The following SRRM1 variants were observed in gnomAD, a reference collection of about 807,000 sequenced individuals.
SRRM1 encodes the protein serine and arginine repetitive matrix 1, also known as serine/arginine repetitive matrix protein 1.
Under a neutral mutation model 110.2 loss-of-function variants are expected in SRRM1, and 19 were observed. That is an observed-to-expected ratio of 0.17 (90% CI 0.12 to 0.25). SRRM1 has a LOEUF of 0.25. SRRM1 is among the 10% of genes least tolerant of loss of function. The pLI is 1.00. For missense variants in SRRM1, 918 were observed against 1,145.8 expected, an observed-to-expected ratio of 0.80 and a Z score of 2.87; for synonymous variants, 443 against 414.9, an observed-to-expected ratio of 1.07 and a Z score of -0.82.
At chr1:24,667,201 A>C (rs530795459) in intron 13 of SRRM1, among the ~76,000 whole-genome samples, 1 of 152,354 alleles carries the variant, frequency 6.6e-6, no homozygotes, top group Non-Finnish European at 1.5e-5. Flanking sequence ...GAATACACAA[A>C]TCTATAGAGA....
At chr1:24,656,105 A>G (rs1557691510) in intron 9 of SRRM1, among the ~76,000 whole-genome samples, 1 of 152,216 alleles carries the variant, frequency 6.6e-6, no homozygotes, top group Non-Finnish European at 1.5e-5. Context: ...ATTTCAGGTT[A>G]GAAACAAAGA....
chr1:24,661,065 G>C (rs1666994638), intron 10 of SRRM1: 2 of 528,868 alleles, frequency 3.8e-6, no homozygotes, highest in Non-Finnish European at 6.8e-6. Context: ...AACTGTATCT[G>C]CTTGTAAAAT....
intron 1 of SRRM1, among the ~76,000 whole-genome samples, chr1:24,644,235 G>C (rs1214919049): frequency 1.3e-5 from 2 of 152,114 alleles, no homozygotes; most frequent in Non-Finnish European, 2.9e-5. Context: ...TCAGGCTCGT[G>C]CTGGAGCCTG....
chr1:24,648,765 A>G (rs1658908794), intron 3 of SRRM1, 94 bp from the exon 4 acceptor site: 2 of 1,184,110 alleles, frequency 1.7e-6, no homozygotes, highest in Non-Finnish European at 1.2e-6. Flanking sequence ...GTAGACTTAA[A>G]AAATACTAAT....
intron 7 of SRRM1, 38 bp from the exon 8 acceptor site, chr1:24,652,875 C>T (rs1661799983): frequency 1.3e-6 from 2 of 1,585,912 alleles, no homozygotes; most frequent in South Asian, 2.3e-5. Flanking sequence ...TTCCTCACTC[C>T]TGGTTTATTC....
Position 24,652,874 on chromosome 1 carries a change from C to T in SRRM1, c.921-39C>T, listed in dbSNP as rs748593798. On this transcript the variant is annotated intron_variant, in intron 7 of 16. Coordinates refer to ENST00000323848, the MANE Select transcript of SRRM1 (RefSeq NM_005839.4). ...AAACTAAGCCAAGAAATTCCTCACT[C>T]CTGGTTTATTCAGGACCTAATTCTC... The T allele has an allele frequency of 8.2e-6, 13 of 1,586,254 alleles. No homozygotes were observed. The Admixed American group carries it at 2.0e-4, about 25-fold the overall frequency.
At chr1:24,654,042 G>T (rs1301740840) in intron 8 of SRRM1, among the ~76,000 whole-genome samples, 4 of 152,138 alleles carry the variant, frequency 2.6e-5, no homozygotes, top group Non-Finnish European at 4.4e-5. Context: ...GATGTGTTGT[G>T]CTCATAGAGG....
intron 12 of SRRM1, among the ~76,000 whole-genome samples, chr1:24,665,508 TAA>T (rs1669526804): frequency 2.0e-5 from 3 of 150,766 alleles, no homozygotes; most frequent in Admixed American, 6.6e-5. Context: ...GGTCAGGAGA[TAA>T]AGACCATCCT....
intron 3 of SRRM1, chr1:24,648,531 G>T (rs965346582): frequency 1.1e-5 from 2 of 188,820 alleles, no homozygotes; most frequent in African/African-American, 4.7e-5. Context: ...TAGAATTTGT[G>T]GATGTTTCAT....
Position 24,655,156 on chromosome 1 carries a change from G to T in SRRM1, c.1315+27G>T, listed in dbSNP as rs758146336. ...TAAAAATCAAACACATATGAAACAT[G>T]GTCTCTCTTTCTTTGGCTACAAAGC... On this transcript the variant is annotated intron_variant, in intron 9 of 16. Coordinates refer to ENST00000323848, the MANE Select transcript of SRRM1 (RefSeq NM_005839.4). 3 of 1,609,030 alleles carry T rather than the reference G, an allele frequency of 1.9e-6. No homozygotes were observed. The South Asian group carries it at 3.3e-5, about 18-fold the overall frequency.
intron 1 of SRRM1, among the ~76,000 whole-genome samples, chr1:24,644,095 C>T (rs999603513): frequency 4.6e-5 from 7 of 152,192 alleles, no homozygotes; most frequent in African/African-American, 9.7e-5. Flanking sequence ...CACCCGCCAC[C>T]ATCGTGTTTT....
At chr1:24,665,849 AAC>A (rs1290303076) in intron 12 of SRRM1, among the ~76,000 whole-genome samples, 8 of 152,232 alleles carry the variant, frequency 5.3e-5, no homozygotes, top group Non-Finnish European at 1.2e-4. Context: ...CTGTTCAGTT[AAC>A]AGAGATTTCT....
In SRRM1 at chr1:24,654,992, G is replaced by A; in HGVS notation, c.1178G>A (p.Ser393Asn). Residue 393 changes from serine (S) to asparagine (N), a missense_variant, in exon 9 of 17, where the codon AGT becomes AAT. Physicochemically the swap from Ser to Asn is conservative, Grantham distance 46. Coordinates refer to ENST00000323848, the MANE Select transcript of SRRM1 (RefSeq NM_005839.4). ...ACTCGTAGGTTATCTCCTTCAGCAAGTCCTCCAAGGCGAAGGCACAGGCCA... is the reference window on the plus strand; with the variant it reads ...ACTCGTAGGTTATCTCCTTCAGCAAATCCTCCAAGGCGAAGGCACAGGCCA... ...RKTRRLSPSA[S>N]PPRRRHRPSP... 2 of 1,614,144 alleles carry A rather than the reference G, an allele frequency of 1.2e-6. No individual in the cohort carries two copies. Among genetic ancestry groups the A allele is most frequent in the Non-Finnish European group, 1.7e-6 (2 of 1,180,036 alleles).
chr1:24,668,853 C>T (rs936880683), intron 13 of SRRM1, among the ~76,000 whole-genome samples: 1 of 152,190 alleles, frequency 6.6e-6, no homozygotes, highest in Non-Finnish European at 1.5e-5. Context: ...GACAAATTCA[C>T]ATCTTCTGAA....
chr1:24,648,806 G>T, intron 3 of SRRM1, 53 bp from the exon 4 acceptor site: 2 of 1,534,786 alleles, frequency 1.3e-6, no homozygotes, highest in Non-Finnish European at 8.9e-7. Context: ...TTGATTTGTT[G>T]GTTGGTTGGT....
intron 8 of SRRM1, chr1:24,654,306 G>A (rs1662744806): frequency 7.8e-7 from 1 of 1,289,482 alleles, no homozygotes; most frequent in African/African-American, 1.5e-5. Flanking sequence ...TTTTTTTCAG[G>A]TTCTCAGGAA....
intron 4 of SRRM1, among the ~76,000 whole-genome samples, 198 bp from the exon 5 acceptor site, chr1:24,649,773 A>G (rs1266267753): frequency 6.6e-6 from 1 of 152,204 alleles, no homozygotes; most frequent in Non-Finnish European, 1.5e-5. Context: ...CTTTCAGTGA[A>G]TATTTATTTG....
In SRRM1 at chr1:24,672,658, C is replaced by T. The variant is rs1192131533; in HGVS notation, c.*372C>T. ...TTTGATTTTCTTTTTGTTTTTCTTT[C>T]TTCTTCTTATTTTTTTCATTTGAGT... is the stretch of plus-strand genomic sequence containing the variant. On this transcript the variant is annotated 3_prime_UTR_variant, in exon 17 of 17. Coordinates refer to ENST00000323848, the MANE Select transcript of SRRM1 (RefSeq NM_005839.4). 1.3e-5 allele frequency: 2 copies of T among 153,654 alleles called. No individual in the cohort carries two copies. The highest frequency in any genetic ancestry group is 1.3e-4 in the Admixed American group (2 of 15,242). The allele number at this position is 153,654 out of a possible 1,614,324, so 9.5% of individuals were successfully genotyped here.
intron 7 of SRRM1, 142 bp downstream of exon 7, chr1:24,652,770 T>C (rs1157960962): frequency 7.6e-7 from 1 of 1,321,416 alleles, no homozygotes; most frequent in Non-Finnish European, 1.0e-6. Context: ...TTGAGGACAC[T>C]TTTCTGTGTA....
Sources: gnomAD v4.1 joint callset for allele counts (sites outside exome capture counted in the v4.1 genomes callset) on GRCh38, gnomAD v4.1.1 for gene constraint, MANE v1.5 for transcripts, NCBI Gene and HGNC (gene_info 2026-07-23, HGNC 2026-07-21) for gene names.